CEP112: variants seen among roughly 807,000 people sequenced by gnomAD.
CEP112 encodes the protein centrosomal protein of 112 kDa.
CEP112 carries 127 observed loss-of-function variants against 153.0 expected under a neutral mutation model. That is an observed-to-expected ratio of 0.83 (90% CI 0.72 to 0.96). The LOEUF (loss-of-function observed/expected upper bound fraction) is 0.96, where lower values mean the gene tolerates loss of function less well. Among genes scored for constraint, CEP112 ranks in the 40% least tolerant of loss-of-function variants. The probability of loss-of-function intolerance (pLI) is 0.00; values close to 1 mark genes in which losing one functional copy is unlikely to be tolerated. For missense variants in CEP112, 1,089 were observed against 1,101.2 expected (o/e 0.99, Z 0.16); for synonymous variants, 358 against 374.4 (o/e 0.96, Z 0.51).
intron 23 of CEP112, among the ~76,000 whole-genome samples, chr17:65,711,910 A>G (rs950554004): frequency 1.3e-5 from 2 of 152,232 alleles, no homozygotes; most frequent in Non-Finnish European, 2.9e-5. Context: ...CACTTTGCCC[A>G]TTACCAAAGT....
intron 23 of CEP112, among the ~76,000 whole-genome samples, chr17:65,709,175 C>T (rs944952509): frequency 1.3e-5 from 2 of 152,086 alleles, no homozygotes; most frequent in Admixed American, 6.5e-5. Context: ...CAGGTTCTTG[C>T]AAGAGAGTAA....
chr17:65,807,121 G>C (rs1386428340), intron 21 of CEP112, among the ~76,000 whole-genome samples: 2 of 152,192 alleles, frequency 1.3e-5, no homozygotes, highest in Admixed American at 1.3e-4. Context: ...GGGAAGTGGA[G>C]TAAAAGTCAT....
chr17:65,745,236 T>C (rs1436503209), intron 22 of CEP112, among the ~76,000 whole-genome samples: 3 of 152,202 alleles, frequency 2.0e-5, no homozygotes, highest in African/African-American at 2.4e-5. Context: ...ACAAAATATA[T>C]AATAACAACA....
chr17:65,900,707 A>T (rs1363858736), intron 20 of CEP112, among the ~76,000 whole-genome samples: 1 of 152,190 alleles, frequency 6.6e-6, no homozygotes. Flanking sequence ...AAGGTTTAAC[A>T]TCATATTTGA....
intron 17 of CEP112, among the ~76,000 whole-genome samples, chr17:65,973,242 A>G (rs545541934): frequency 4.6e-5 from 7 of 152,332 alleles, no homozygotes; most frequent in Admixed American, 3.9e-4. Context: ...AAAAGAACAA[A>G]TACTGTAAAC....
At chr17:65,672,363 T>G (rs1281586689) in intron 24 of CEP112, among the ~76,000 whole-genome samples, 3 of 152,066 alleles carry the variant, frequency 2.0e-5, no homozygotes, top group Admixed American at 1.3e-4. Context: ...ACAGTCCCCA[T>G]AAGACAATCA....
chr17:66,030,047 GA>G, intron 12 of CEP112, 24 bp from the exon 13 acceptor site: 1 of 1,602,970 alleles, frequency 6.2e-7, no homozygotes. Flanking sequence ...TCATGGTTAA[GA>G]AAGTCTCTGA....
At chr17:65,758,866 T>A (rs1050553902) in intron 21 of CEP112, among the ~76,000 whole-genome samples, 2 of 152,144 alleles carry the variant, frequency 1.3e-5, no homozygotes, top group African/African-American at 4.8e-5. Context: ...GGAACACTAT[T>A]GTCAGAGGCG....
chr17:66,096,774 T>C, intron 6 of CEP112, 142 bp from the exon 7 acceptor site: 1 of 617,898 alleles, frequency 1.6e-6, no homozygotes, highest in South Asian at 2.3e-5. Context: ...ATGGGTATTG[T>C]ATGATATATT....
chr17:65,960,182 G>C (rs2062147601), intron 18 of CEP112, among the ~76,000 whole-genome samples: 1 of 152,040 alleles, frequency 6.6e-6, no homozygotes, highest in African/African-American at 2.4e-5. Flanking sequence ...AACTAAATAT[G>C]CTTGAGTAGG....
At chr17:66,120,177 G>A (rs2069506888) in intron 6 of CEP112, among the ~76,000 whole-genome samples, 1 of 151,962 alleles carries the variant, frequency 6.6e-6, no homozygotes, top group African/African-American at 2.4e-5. Context: ...AACCATGCAG[G>A]CCTGAAATTT....
chr17:65,716,140 A>G (rs190555365), intron 23 of CEP112, among the ~76,000 whole-genome samples: 4 of 142,256 alleles, frequency 2.8e-5, no homozygotes, highest in Admixed American at 2.8e-4. Flanking sequence ...GCATAGCCCT[A>G]CTCTTTTTCT....
In CEP112 at chr17:66,027,553, T is replaced by C; in HGVS notation, c.1604A>G (p.Glu535Gly). The C allele has an allele frequency of 7.7e-7, 1 of 1,294,584 alleles. No individual in the cohort carries two copies. The highest frequency in any genetic ancestry group is 1.0e-6 in the Non-Finnish European group (1 of 965,146). The allele number at this position is 1,294,584 out of a possible 1,614,324, so 80.2% of individuals were successfully genotyped here. ...ACTTTTCTCCATCTGAAACTTATTT[T>C]CTTGATCCTGTGAATGATAAATGTT... is the stretch of plus-strand genomic sequence containing the variant. ...LQRKQQLRDQ[E>G]NKFQMEKSHL... Residue 535 changes from glutamate (E) to glycine (G), a missense_variant, in exon 16 of 27, where the codon GAA becomes GGA. Coordinates refer to ENST00000535342, the MANE Select transcript of CEP112 (RefSeq NM_001199165.4).
At position 65,921,061 on chromosome 17, in the gene CEP112, G is replaced by C. The variant is rs753120008; in HGVS notation, c.1980+6521C>G. ...CCTTATCATCCTCGACTGACTGAGA[G>C]ACACAGAAATCTCACTTTAGGTTAA... On this transcript the variant is annotated intron_variant, in intron 19 of 26. Transcript: ENST00000535342. 6.3e-4 allele frequency among the ~76,000 whole-genome samples: 96 copies of C among 151,704 alleles called. 1 individual carries two copies. Among genetic ancestry groups the C allele is most frequent in the Admixed American group, 5.1e-3 (77 of 15,226 alleles).
At chr17:66,113,072 A>T (rs1465375800) in intron 6 of CEP112, among the ~76,000 whole-genome samples, 1 of 152,168 alleles carries the variant, frequency 6.6e-6, no homozygotes, top group African/African-American at 2.4e-5. Context: ...TCCGTCTCAA[A>T]AAAAAGTAAA....
chr17:65,854,416 G>T (rs1167768345), intron 20 of CEP112, among the ~76,000 whole-genome samples: 1 of 152,044 alleles, frequency 6.6e-6, no homozygotes, highest in African/African-American at 2.4e-5. Flanking sequence ...ATCTTATTTT[G>T]GATTGTGTTC....
chr17:66,056,697 A>T (rs1057221540), intron 11 of CEP112, among the ~76,000 whole-genome samples: 5 of 152,226 alleles, frequency 3.3e-5, no homozygotes, highest in Non-Finnish European at 5.9e-5. Flanking sequence ...ATCTATAAAG[A>T]CAAACAGTAG....
At chr17:65,673,182 C>T (rs2047066734) in intron 24 of CEP112, among the ~76,000 whole-genome samples, 1 of 152,158 alleles carries the variant, frequency 6.6e-6, no homozygotes, top group Middle Eastern at 3.2e-3. Flanking sequence ...CTTGGCACTA[C>T]AGGGCTGAGG....
In CEP112 at chr17:65,993,863, G is replaced by A. The variant is rs905737570; in HGVS notation, c.1736+11827C>T. Among the ~76,000 whole-genome samples, 5 of 152,058 alleles carry A rather than the reference G, an allele frequency of 3.3e-5. No homozygotes were observed. The East Asian group carries it at 7.7e-4, about 23-fold the overall frequency. On this transcript the variant is annotated intron_variant, in intron 17 of 26. Transcript: ENST00000535342. ...TTAGGGGCTTGGGAGGGAGGCTTCT[G>A]CAATGCTGTTAATGTTCAGTTTCTT... is the stretch of plus-strand genomic sequence containing the variant.
Sources: allele counts gnomAD v4.1 joint callset (sites outside exome capture counted in the v4.1 genomes callset), GRCh38; gene constraint gnomAD v4.1.1; transcripts MANE v1.5; gene names NCBI Gene and HGNC (gene_info 2026-07-23, HGNC 2026-07-21).